The following PTPRD variants were observed in gnomAD, a reference collection of about 807,000 sequenced individuals.
PTPRD encodes protein tyrosine phosphatase receptor type D, also known as receptor-type tyrosine-protein phosphatase delta.
Under a neutral mutation model 214.5 loss-of-function variants are expected in PTPRD, and 34 were observed. The ratio of observed to expected loss-of-function variants is 0.16; its 90% CI spans 0.12 to 0.21. The LOEUF (loss-of-function observed/expected upper bound fraction) is 0.21. Among genes scored for constraint, PTPRD ranks in the 10% least tolerant of loss-of-function variants. The pLI is 1.00. For synonymous variants in PTPRD, 1,128 were observed against 845.7 expected, an observed-to-expected ratio of 1.33 and a Z score of -5.79; for missense variants, 2,545 against 2,398.7, an observed-to-expected ratio of 1.06 and a Z score of -1.27.
intron 34 of PTPRD, among the ~76,000 whole-genome samples, chr9:8,439,841 A>G (rs145851920): frequency 2.1e-3 from 317 of 151,748 alleles, no homozygotes; most frequent in African/African-American, 6.6e-3. Flanking sequence ...TACCTTTTCA[A>G]TGTTTTGTCT....
intron 5 of PTPRD, among the ~76,000 whole-genome samples, chr9:9,802,113 T>A (rs952262727): frequency 6.6e-6 from 1 of 152,090 alleles, no homozygotes; most frequent in African/African-American, 2.4e-5. Flanking sequence ...ATTAGAATAT[T>A]GTGTTTCATC....
At chr9:8,905,386 C>A (rs2098700415) in intron 11 of PTPRD, among the ~76,000 whole-genome samples, 1 of 151,912 alleles carries the variant, frequency 6.6e-6, no homozygotes, top group African/African-American at 2.4e-5. Flanking sequence ...CCTCCAGATG[C>A]ACTGCACTTC....
chr9:10,132,478 T>C (rs1354489864), intron 3 of PTPRD, among the ~76,000 whole-genome samples: 1 of 151,858 alleles, frequency 6.6e-6, no homozygotes, highest in Non-Finnish European at 1.5e-5. Context: ...GATCCAAATA[T>C]ACTGAAATGG....
chr9:10,297,584 T>G (rs1021391302), intron 3 of PTPRD, among the ~76,000 whole-genome samples: 2 of 101,950 alleles, frequency 2.0e-5, no homozygotes, highest in African/African-American at 1.2e-4. Flanking sequence ...AGTTGTGTTT[T>G]TTTTTTTTTC....
intron 3 of PTPRD, among the ~76,000 whole-genome samples, chr9:10,152,181 C>T (rs768194200): frequency 6.6e-6 from 1 of 152,130 alleles, no homozygotes; most frequent in Non-Finnish European, 1.5e-5. Flanking sequence ...TTACTGTTGG[C>T]ATCATTTAGC....
chr9:9,954,200 G>A (rs2093694114), intron 4 of PTPRD, among the ~76,000 whole-genome samples: 1 of 149,324 alleles, frequency 6.7e-6, no homozygotes, highest in Middle Eastern at 3.5e-3. Context: ...GGAGGCTGAG[G>A]GATGAGAATC....
At chr9:9,225,626 A>G (rs145161376) in intron 9 of PTPRD, among the ~76,000 whole-genome samples, 4 of 152,190 alleles carry the variant, frequency 2.6e-5, no homozygotes, top group African/African-American at 4.8e-5. Flanking sequence ...TAGCTGAGAA[A>G]CTTACCTTGA....
At chr9:9,648,301 G>C (rs527743038) in intron 7 of PTPRD, among the ~76,000 whole-genome samples, 5 of 152,044 alleles carry the variant, frequency 3.3e-5, no homozygotes, top group African/African-American at 4.8e-5. Flanking sequence ...GGAAGGTGCA[G>C]GGACTTTCCT....
Position 9,644,865 on chromosome 9 carries a change from C to G in PTPRD, c.-286-70084G>C, listed in dbSNP as rs554430003. 1.7e-4 allele frequency among the ~76,000 whole-genome samples: 26 copies of G among 152,262 alleles called. No individual in the cohort carries two copies. The East Asian group carries it at 4.8e-3, about 28-fold the overall frequency. ...GAGAAGATTCTTTTCCCACTTCACC[C>G]CCTTTCCAGCTTCCCATCCCACTGA... is the stretch of plus-strand genomic sequence containing the variant. On this transcript the variant is annotated intron_variant, in intron 7 of 45. Coordinates refer to ENST00000381196, the MANE Select transcript of PTPRD (RefSeq NM_002839.4).
chr9:9,862,120 G>A (rs78888845), intron 5 of PTPRD, among the ~76,000 whole-genome samples: 1,919 of 151,966 alleles, frequency 0.013, 45 homozygotes, highest in African/African-American at 0.044. Context: ...AAGATGGTTT[G>A]CTTCAAAAGC....
chr9:8,527,811 A>G (rs2074600273), intron 15 of PTPRD, among the ~76,000 whole-genome samples: 1 of 152,062 alleles, frequency 6.6e-6, no homozygotes, highest in African/African-American at 2.4e-5. Flanking sequence ...AGAGAGAGAG[A>G]AAACAGCAAA....
chr9:8,348,291 G>T (rs1229999304), intron 39 of PTPRD, among the ~76,000 whole-genome samples: 1 of 152,050 alleles, frequency 6.6e-6, no homozygotes, highest in South Asian at 2.1e-4. Flanking sequence ...TTATTTTGAT[G>T]CATCTATTGG....
At chr9:8,888,310 T>A (rs1264077893) in intron 11 of PTPRD, among the ~76,000 whole-genome samples, 3 of 152,214 alleles carry the variant, frequency 2.0e-5, no homozygotes, top group Non-Finnish European at 4.4e-5. Context: ...TTTATAGTTT[T>A]AAAAGTGCTT....
intron 3 of PTPRD, among the ~76,000 whole-genome samples, chr9:10,103,183 A>T (rs1332561047): frequency 6.6e-6 from 1 of 151,400 alleles, no homozygotes; most frequent in Non-Finnish European, 1.5e-5. Flanking sequence ...AACAATTTTT[A>T]CTTACACAGC....
intron 11 of PTPRD, among the ~76,000 whole-genome samples, chr9:8,747,180 T>G (rs948826233): frequency 1.9e-4 from 29 of 152,204 alleles, no homozygotes; most frequent in Non-Finnish European, 3.5e-4. Context: ...ATCATAGGTT[T>G]AATCATGAAT....
intron 12 of PTPRD, among the ~76,000 whole-genome samples, chr9:8,691,661 A>G (rs186587886): frequency 6.6e-6 from 1 of 152,290 alleles, no homozygotes; most frequent in African/African-American, 2.4e-5. Context: ...GAGGTTGTAA[A>G]ATAGTAACCA....
intron 3 of PTPRD, among the ~76,000 whole-genome samples, chr9:10,248,005 G>A (rs960832248): frequency 7.9e-5 from 12 of 152,074 alleles, no homozygotes; most frequent in Non-Finnish European, 1.3e-4. Flanking sequence ...AAGACCTGAT[G>A]GCTTTAAAAT....
At chr9:9,883,171 C>T (rs2153744007) in intron 5 of PTPRD, among the ~76,000 whole-genome samples, 1 of 152,102 alleles carries the variant, frequency 6.6e-6, no homozygotes, top group East Asian at 1.9e-4. Flanking sequence ...GGCGAACTCC[C>T]ATCCTTGAAG....
chr9:9,275,183 GTTA>G (rs1944982228), intron 9 of PTPRD, among the ~76,000 whole-genome samples: 1 of 18,738 alleles, frequency 5.3e-5, no homozygotes, highest in Non-Finnish European at 9.9e-5. Flanking sequence ...TAATATATAT[GTTA>G]TATATATATA....
Sources: allele counts gnomAD v4.1 joint callset (sites outside exome capture counted in the v4.1 genomes callset), GRCh38; gene constraint gnomAD v4.1.1; transcripts MANE v1.5; gene names NCBI Gene and HGNC (gene_info 2026-07-23, HGNC 2026-07-21).